Variants in UST observed in about 807,000 individuals in gnomAD.
UST encodes uronyl 2-sulfotransferase, also known as chondroitin sulfate 2-O-sulfotransferase.
UST carries 21 observed loss-of-function variants against 45.6 expected under a neutral mutation model. The ratio of observed to expected loss-of-function variants is 0.46; its 90% CI spans 0.33 to 0.66. UST has a LOEUF of 0.66. Ranked by LOEUF, UST falls within the 30% of genes least tolerant of loss-of-function variation. The pLI is 0.02. For missense variants in UST, 463 were observed against 512.4 expected, an observed-to-expected ratio of 0.90 and a Z score of 0.93; for synonymous variants, 215 against 200.6, an observed-to-expected ratio of 1.07 and a Z score of -0.61.
intron 1 of UST, among the ~76,000 whole-genome samples, chr6:148,801,933 T>C (rs543985237): frequency 6.6e-6 from 1 of 152,348 alleles, no homozygotes; most frequent in Non-Finnish European, 1.5e-5. Context: ...TTCTGCTAAT[T>C]GTTTCTCTGG....
At chr6:148,860,129 A>G (rs1450849903) in intron 1 of UST, among the ~76,000 whole-genome samples, 4 of 152,252 alleles carry the variant, frequency 2.6e-5, no homozygotes, top group African/African-American at 4.8e-5. Context: ...ATCCATGAGC[A>G]TGGAATGTTC....
rs115167080 is a variant in UST, at chr6:148,847,157, G to A, written c.248-39829G>A. The stretch of plus-strand genomic sequence containing the variant: ...ATATAACAATATGAGAAGGCACTTA[G>A]CAGCTTAAAGCAACACCTTATTCAT... On this transcript the variant is annotated intron_variant, in intron 1 of 7. Coordinates refer to ENST00000367463, the MANE Select transcript of UST (RefSeq NM_005715.3). 6.9e-3 allele frequency among the ~76,000 whole-genome samples: 1,051 copies of A among 152,380 alleles called. 10 individuals carry two copies. Among genetic ancestry groups the A allele is most frequent in the African/African-American group, 0.024 (1,009 of 41,590 alleles).
At chr6:148,794,459 G>T (rs1021177093) in intron 1 of UST, among the ~76,000 whole-genome samples, 4 of 152,300 alleles carry the variant, frequency 2.6e-5, no homozygotes, top group African/African-American at 9.6e-5. Context: ...TGCTAGAGTG[G>T]TGTGATTAGA....
chr6:149,004,675 A>T (rs570777382), intron 5 of UST, among the ~76,000 whole-genome samples: 1 of 152,254 alleles, frequency 6.6e-6, no homozygotes, highest in Non-Finnish European at 1.5e-5. Flanking sequence ...AACCAGGAGT[A>T]CTGAGCAAGC....
intron 5 of UST, among the ~76,000 whole-genome samples, chr6:148,987,766 T>G (rs934287626): frequency 3.9e-5 from 6 of 152,184 alleles, no homozygotes; most frequent in African/African-American, 1.4e-4. Flanking sequence ...TTGAATAGAA[T>G]GAGAATTCCT....
intron 1 of UST, among the ~76,000 whole-genome samples, chr6:148,792,428 C>A (rs995068885): frequency 3.9e-5 from 6 of 152,178 alleles, no homozygotes; most frequent in African/African-American, 1.4e-4. Flanking sequence ...TCGCCTGGGC[C>A]TGTGAACTGT....
At chr6:149,045,560 C>G (rs1280192378) in intron 7 of UST, among the ~76,000 whole-genome samples, 2 of 152,162 alleles carry the variant, frequency 1.3e-5, no homozygotes, top group Admixed American at 6.5e-5. Context: ...CCCTGCGGAT[C>G]TCTAGGCACA....
chr6:149,036,240 C>T (rs1013851711), intron 7 of UST, among the ~76,000 whole-genome samples: 1 of 152,212 alleles, frequency 6.6e-6, no homozygotes, highest in African/African-American at 2.4e-5. Flanking sequence ...AGACCCAGCT[C>T]TCCCGTCGGG....
chr6:148,984,389 G>A (rs1781199381), intron 5 of UST, among the ~76,000 whole-genome samples: 1 of 152,152 alleles, frequency 6.6e-6, no homozygotes, highest in Admixed American at 6.5e-5. Context: ...GAACAGGGGT[G>A]TGATATGAAA....
chr6:148,760,221 G>C (rs1382903566), intron 1 of UST, among the ~76,000 whole-genome samples: 2 of 152,168 alleles, frequency 1.3e-5, no homozygotes, highest in Non-Finnish European at 2.9e-5. Context: ...CTAGAAATTA[G>C]GGGAAGCAGA....
chr6:149,032,115 C>T (rs553120050), intron 7 of UST, among the ~76,000 whole-genome samples: 15 of 152,294 alleles, frequency 9.8e-5, no homozygotes, highest in Non-Finnish European at 1.8e-4. Context: ...GAGAAGGATC[C>T]GCAGCCTCAG....
At chr6:148,913,164 A>G (rs568256539) in intron 2 of UST, among the ~76,000 whole-genome samples, 15 of 152,308 alleles carry the variant, frequency 9.8e-5, no homozygotes, top group Admixed American at 7.8e-4. Flanking sequence ...CAGCTTGCCA[A>G]TCATTAGGGA....
At chr6:148,791,708 C>T (rs1776851878) in intron 1 of UST, among the ~76,000 whole-genome samples, 1 of 152,162 alleles carries the variant, frequency 6.6e-6, no homozygotes, top group Admixed American at 6.5e-5. Flanking sequence ...TAAATACTTC[C>T]TCTTGCCTCC....
chr6:148,894,173 T>A (rs1779074697), intron 2 of UST, among the ~76,000 whole-genome samples: 1 of 152,216 alleles, frequency 6.6e-6, no homozygotes, highest in African/African-American at 2.4e-5. Context: ...GGAGTCCATG[T>A]CTACGTAATT....
intron 5 of UST, among the ~76,000 whole-genome samples, chr6:148,967,534 G>GC (rs1460376688): frequency 6.6e-6 from 1 of 152,060 alleles, no homozygotes; most frequent in Non-Finnish European, 1.5e-5. Context: ...AAATAAAATT[G>GC]CCCCCTTTCA....
At position 149,075,624 on chromosome 6, in the gene UST, G is replaced by C. The variant is rs1347322025; in HGVS notation, c.*1508G>C. 3 of 152,014 alleles carry C rather than the reference G, an allele frequency of 2.0e-5. No individual in the cohort carries two copies. The highest frequency in any genetic ancestry group is 7.3e-5 in the African/African-American group (3 of 41,362). 9.4% of individuals were successfully genotyped at this position (152,014 alleles called of 1,614,324 possible). ...GCCTTGGTTCAGTCATTAGAAATCT[G>C]TTGCTTTGAGTTCTGAAATATTTTC... is the stretch of plus-strand genomic sequence containing the variant. On this transcript the variant is annotated 3_prime_UTR_variant, in exon 8 of 8. Transcript: ENST00000367463.
At chr6:149,001,100 C>G (rs900152356) in intron 5 of UST, among the ~76,000 whole-genome samples, 1 of 140,406 alleles carries the variant, frequency 7.1e-6, no homozygotes, top group Non-Finnish European at 1.5e-5. Context: ...GAGACAGAGT[C>G]TTGCTCTGTC....
chr6:148,927,787 G>A (rs1779844034), intron 2 of UST, among the ~76,000 whole-genome samples: 1 of 152,184 alleles, frequency 6.6e-6, no homozygotes, highest in Non-Finnish European at 1.5e-5. Context: ...ATGCCAAAAT[G>A]TCACTCAGTC....
chr6:148,802,784 G>A (rs553751897), intron 1 of UST, among the ~76,000 whole-genome samples: 12 of 152,202 alleles, frequency 7.9e-5, no homozygotes, highest in Non-Finnish European at 1.3e-4. Flanking sequence ...CACCCAAATA[G>A]GCAAGAACAA....
Sources: allele counts gnomAD v4.1 joint callset (sites outside exome capture counted in the v4.1 genomes callset), GRCh38; gene constraint gnomAD v4.1.1; transcripts MANE v1.5; gene names NCBI Gene and HGNC (gene_info 2026-07-23, HGNC 2026-07-21).